Variants in DMXL2 observed in about 807,000 individuals in gnomAD.
DMXL2 encodes dmX-like protein 2.
DMXL2 carries 103 observed loss-of-function variants against 331.1 expected under a neutral mutation model. That is an observed-to-expected ratio of 0.31 (90% confidence interval 0.27 to 0.37). The LOEUF is 0.37. Among genes scored for constraint, DMXL2 ranks in the 10% least tolerant of loss-of-function variants. The pLI, the probability that DMXL2 is intolerant of heterozygous loss-of-function variation, is 1.00. For synonymous variants in DMXL2, 1,281 were observed against 1,252.1 expected, an observed-to-expected ratio of 1.02 and a Z score of -0.49; for missense variants, 3,171 against 3,642.9, an observed-to-expected ratio of 0.87 and a Z score of 3.33.
At chr15:51,543,411 T>C (rs2048713370) in intron 8 of DMXL2, among the ~76,000 whole-genome samples, 1 of 152,148 alleles carries the variant, frequency 6.6e-6, no homozygotes, top group African/African-American at 2.4e-5. Flanking sequence ...TGGAAAACAG[T>C]ATCAGGTCAA....
chr15:51,557,822 A>G (rs2049701721), intron 6 of DMXL2, among the ~76,000 whole-genome samples: 1 of 152,234 alleles, frequency 6.6e-6, no homozygotes, highest in African/African-American at 2.4e-5. Flanking sequence ...GATATCCATA[A>G]GGAAAAAATA....
rs749955574 is a variant in DMXL2 at position 51,471,420 on chromosome 15, A to G, written c.7214-19T>C. 1 of 1,541,830 alleles carries G rather than the reference A, an allele frequency of 6.5e-7. No homozygotes were observed. Among genetic ancestry groups the G allele is most frequent in the South Asian group, 1.2e-5 (1 of 80,254 alleles). The stretch of plus-strand genomic sequence containing the variant: ...GGAGGTGCTAAATGAAGATAGAAGG[A>G]AAAAAAAATCTAGCATTCATTTTCC... On this transcript the variant is annotated intron_variant, in intron 28 of 43. Coordinates refer to ENST00000560891, the MANE Select transcript of DMXL2 (RefSeq NM_001378457.1).
At chr15:51,452,588 AAAC>A (rs2039245885) in intron 41 of DMXL2, among the ~76,000 whole-genome samples, 1 of 152,186 alleles carries the variant, frequency 6.6e-6, no homozygotes, top group Non-Finnish European at 1.5e-5. Context: ...AAAAACCAAA[AAAC>A]AATAGACGCT....
chr15:51,588,913 C>A (rs1163116531), intron 1 of DMXL2, among the ~76,000 whole-genome samples: 1 of 152,126 alleles, frequency 6.6e-6, no homozygotes, highest in Non-Finnish European at 1.5e-5. Flanking sequence ...ATTTCTGTGG[C>A]TGTACACAAA....
intron 27 of DMXL2, among the ~76,000 whole-genome samples, chr15:51,475,453 C>G (rs980331178): frequency 4.6e-5 from 7 of 152,138 alleles, no homozygotes; most frequent in Non-Finnish European, 7.4e-5. Context: ...GAGATTGCGC[C>G]ACTGCACTCC....
At position 51,502,342 on chromosome 15, in the gene DMXL2, G is replaced by GTGTGTGTGT. The variant is rs767248212; in HGVS notation, c.2992+463_2992+464insACACACACA. 4.7e-5 allele frequency among the ~76,000 whole-genome samples: 7 copies of GTGTGTGTGT among 150,504 alleles called. No homozygotes were observed. The East Asian group carries it at 5.9e-4, about 13-fold the overall frequency. ...TGTGTGTGTGTGTGTGTGTGTGTAT[G>GTGTGTGTGT]GAGTCTCACTGTGTCGCCCGCCCAG... On this transcript the variant is annotated intron_variant, in intron 17 of 43. Coordinates refer to ENST00000560891, the MANE Select transcript of DMXL2 (RefSeq NM_001378457.1).
At chr15:51,478,517 T>C (rs2041763822) in intron 25 of DMXL2, among the ~76,000 whole-genome samples, 170 bp from the exon 26 acceptor site, 1 of 152,176 alleles carries the variant, frequency 6.6e-6, no homozygotes, top group South Asian at 2.1e-4. Flanking sequence ...GTCACCCACC[T>C]TTATACACAT....
rs1056238776 is a variant in DMXL2 at position 51,474,595 on chromosome 15, A to G, written c.6965-3T>C. 1 of 1,588,118 alleles carries G rather than the reference A, an allele frequency of 6.3e-7. No individual in the cohort carries two copies. ...AAGATTAATAAGTGAGCTCACACCT[A>G]TAAGGGTATATAAAATCATAAGACG... On this transcript the variant is annotated splice_polypyrimidine_tract_variant and splice_region_variant and intron_variant, in intron 27 of 43. Transcript: ENST00000560891.
chr15:51,491,371 G>A (rs545653825), intron 20 of DMXL2, among the ~76,000 whole-genome samples: 19 of 152,066 alleles, frequency 1.2e-4, no homozygotes, highest in African/African-American at 4.6e-4. Context: ...AACCCAGGAG[G>A]CAGAGGTTAC....
intron 41 of DMXL2, 199 bp downstream of exon 41, chr15:51,453,351 T>G (rs1171900518): frequency 6.9e-6 from 3 of 432,194 alleles, no homozygotes; most frequent in Non-Finnish European, 1.2e-5. Context: ...AAAATAAAAA[T>G]TACATATATT....
intron 1 of DMXL2, among the ~76,000 whole-genome samples, chr15:51,618,313 CT>C (rs10577626): frequency 0.018 from 2,641 of 145,670 alleles, 41 homozygotes; most frequent in East Asian, 0.041. Flanking sequence ...TCTTGTAATT[CT>C]TTTTTTTTTT....
rs10468004 is a variant in DMXL2 at position 51,495,443 on chromosome 15, C to T, written c.4673-309G>A. Among the ~76,000 whole-genome samples the T allele has an allele frequency of 6.8e-3, 1,036 of 152,172 alleles. 17 individuals are homozygous for T. Among genetic ancestry groups the T allele is most frequent in the African/African-American group, 0.024 (1,000 of 41,540 alleles). The stretch of plus-strand genomic sequence containing the variant: ...GGAAATCCAATAAAAAATATATTAA[C>T]TATGGTAAGTTAGGTACAACTTTTA... On this transcript the variant is annotated intron_variant, in intron 18 of 43. Transcript: ENST00000560891.
intron 3 of DMXL2, 106 bp downstream of exon 3, chr15:51,568,381 T>G: frequency 1.5e-6 from 1 of 682,518 alleles, no homozygotes; most frequent in Non-Finnish European, 2.4e-6. Context: ...TCACTGATAC[T>G]CTAGTCTATT....
At chr15:51,502,342 G>GTGTGTGTGTGTGTGTGTGT (rs767248212) in intron 17 of DMXL2, among the ~76,000 whole-genome samples, 3 of 150,522 alleles carry the variant, frequency 2.0e-5, no homozygotes, top group African/African-American at 7.3e-5. Context: ...GTGTGTGTAT[G>GTGTGTGTGTGTGTGTGTGT]GAGTCTCACT....
chr15:51,471,438 C>A lies in DMXL2; in HGVS notation c.7214-37G>T, dbSNP rs544404187. On this transcript the variant is annotated intron_variant, in intron 28 of 43. Transcript: ENST00000560891. ...TAGAAGGAAAAAAAAATCTAGCATTCATTTTCCATTGTTAATTGATAGAGT... is the reference window on the plus strand; with the variant it reads ...TAGAAGGAAAAAAAAATCTAGCATTAATTTTCCATTGTTAATTGATAGAGT... 1.9e-6 allele frequency: 3 copies of A among 1,544,906 alleles called. No homozygotes were observed. The South Asian group carries it at 3.6e-5, about 19-fold the overall frequency.
intron 27 of DMXL2, among the ~76,000 whole-genome samples, chr15:51,476,098 T>C (rs2041558778): frequency 6.6e-6 from 1 of 151,852 alleles, no homozygotes; most frequent in African/African-American, 2.4e-5. Context: ...TTGAAGAGAG[T>C]GGAGAAGTTT....
chr15:51,592,083 T>C (rs1247493383), intron 1 of DMXL2, among the ~76,000 whole-genome samples: 1 of 151,946 alleles, frequency 6.6e-6, no homozygotes. Context: ...TTTGACGAGC[T>C]GAGAGAAGAA....
intron 3 of DMXL2, among the ~76,000 whole-genome samples, chr15:51,566,562 G>A (rs2050304934): frequency 6.6e-6 from 1 of 152,046 alleles, no homozygotes; most frequent in African/African-American, 2.4e-5. Context: ...TGTTTAGTAT[G>A]TGCTCTAGGT....
chr15:51,587,767 C>T (rs915373512), intron 1 of DMXL2, among the ~76,000 whole-genome samples: 2 of 152,192 alleles, frequency 1.3e-5, no homozygotes, highest in Admixed American at 6.5e-5. Flanking sequence ...ATGGTTGAAC[C>T]AGTTTACAGT....
Sources: gnomAD v4.1 joint callset for allele counts (sites outside exome capture counted in the v4.1 genomes callset) on GRCh38, gnomAD v4.1.1 for gene constraint, MANE v1.5 for transcripts, NCBI Gene and HGNC (gene_info 2026-07-23, HGNC 2026-07-21) for gene names.